YEATS2: variants seen among roughly 807,000 people sequenced by gnomAD.
YEATS2 encodes the protein YEATS domain-containing protein 2.
YEATS2 carries 77 observed loss-of-function variants against 163.2 expected under a neutral mutation model. That is an observed-to-expected ratio of 0.47 (90% confidence interval 0.39 to 0.57). The LOEUF is 0.57. Ranked by LOEUF, YEATS2 falls within the 20% of genes least tolerant of loss-of-function variation. The probability of loss-of-function intolerance (pLI) is 0.00; values close to 1 mark genes in which losing one functional copy is unlikely to be tolerated. For synonymous variants in YEATS2, 631 were observed against 645.1 expected, an observed-to-expected ratio of 0.98 and a Z score of 0.33; for missense variants, 1,549 against 1,729.8, an observed-to-expected ratio of 0.90 and a Z score of 1.85.
intron 18 of YEATS2, 122 bp downstream of exon 18, chr3:183,776,245 AT>A: frequency 1.0e-6 from 1 of 995,096 alleles, no homozygotes; most frequent in Non-Finnish European, 1.4e-6. Flanking sequence ...TAACCGTGTT[AT>A]CTATATCTAT....
chr3:183,784,489 T>C (rs1723865288), intron 19 of YEATS2, among the ~76,000 whole-genome samples: 2 of 152,226 alleles, frequency 1.3e-5, no homozygotes, highest in Non-Finnish European at 2.9e-5. Context: ...TCCTTATAGA[T>C]TCTGGATATT....
chr3:183,718,409 C>A, intron 3 of YEATS2, 91 bp from the exon 4 acceptor site: 190 of 735,460 alleles, frequency 2.6e-4, no homozygotes, highest in East Asian at 3.9e-4. Flanking sequence ...TTTTTTTTTT[C>A]ACTCATTCAC....
chr3:183,752,277 T>G, intron 10 of YEATS2, 24 bp downstream of exon 10: 1 of 1,613,912 alleles, frequency 6.2e-7, no homozygotes, highest in Non-Finnish European at 8.5e-7. Context: ...TTTCCTTGCA[T>G]AGCGTTGTTC....
chr3:183,784,553 TCTCTA>T (rs1723872032), intron 19 of YEATS2, among the ~76,000 whole-genome samples: 2 of 152,210 alleles, frequency 1.3e-5, no homozygotes, highest in Non-Finnish European at 2.9e-5. Flanking sequence ...CTGTAGGTTG[TCTCTA>T]CTCTGTTGAT....
intron 1 of YEATS2, among the ~76,000 whole-genome samples, chr3:183,708,401 A>C (rs1303408824): frequency 6.6e-6 from 1 of 152,166 alleles, no homozygotes; most frequent in East Asian, 1.9e-4. Context: ...TTTGCAAAAC[A>C]CAATGGTAGA....
chr3:183,737,389 C>T (rs1434282642), intron 8 of YEATS2, among the ~76,000 whole-genome samples: 1 of 152,156 alleles, frequency 6.6e-6, no homozygotes, highest in Non-Finnish European at 1.5e-5. Context: ...TATGTTTATG[C>T]TTACTGCTAC....
At chr3:183,735,290 T>C (rs974207265) in intron 7 of YEATS2, among the ~76,000 whole-genome samples, 1 of 152,212 alleles carries the variant, frequency 6.6e-6, no homozygotes, top group Non-Finnish European at 1.5e-5. Flanking sequence ...TTTCCATTAA[T>C]TGACTCAAGT....
intron 16 of YEATS2, 131 bp downstream of exon 16, chr3:183,772,694 G>A (rs1722594760): frequency 8.3e-7 from 1 of 1,198,990 alleles, no homozygotes; most frequent in African/African-American, 1.5e-5. Flanking sequence ...GAAGTGTATT[G>A]AAATGTTTGT....
intron 15 of YEATS2, among the ~76,000 whole-genome samples, chr3:183,768,072 T>TCTTA (rs1156729448): frequency 1.3e-5 from 2 of 152,248 alleles, no homozygotes; most frequent in African/African-American, 4.8e-5. Context: ...AAGACTGCTA[T>TCTTA]CTTAGTTAAG....
At chr3:183,737,655 A>T (rs995114301) in intron 8 of YEATS2, among the ~76,000 whole-genome samples, 2 of 152,258 alleles carry the variant, frequency 1.3e-5, no homozygotes, top group Non-Finnish European at 2.9e-5. Context: ...TGGAAATGAT[A>T]AAGTACTATA....
intron 1 of YEATS2, 122 bp from the exon 2 acceptor site, chr3:183,715,022 G>T: frequency 3.5e-6 from 2 of 572,132 alleles, no homozygotes; most frequent in Non-Finnish European, 6.2e-6. Flanking sequence ...CAGTATTAAT[G>T]TAATATTTAT....
At chr3:183,747,645 AAC>A in intron 8 of YEATS2, 25 bp from the exon 9 acceptor site, 1 of 1,604,454 alleles carries the variant, frequency 6.2e-7, no homozygotes, top group South Asian at 1.1e-5. Context: ...AGTGAAATTT[AAC>A]ACTCTCCCTT....
intron 21 of YEATS2, among the ~76,000 whole-genome samples, chr3:183,792,004 T>C (rs761389877): frequency 5.3e-5 from 8 of 152,208 alleles, no homozygotes; most frequent in Non-Finnish European, 8.8e-5. Context: ...GAATACTGTC[T>C]GGTGTGTAGT....
At chr3:183,808,194 T>A in intron 29 of YEATS2, 90 bp downstream of exon 29, 1 of 1,042,602 alleles carries the variant, frequency 9.6e-7, no homozygotes, top group Non-Finnish European at 1.4e-6. Flanking sequence ...GGAACAAAGA[T>A]AACAGGCTTT....
At chr3:183,720,691 C>G (rs1716396350) in intron 4 of YEATS2, among the ~76,000 whole-genome samples, 1 of 152,134 alleles carries the variant, frequency 6.6e-6, no homozygotes, top group Non-Finnish European at 1.5e-5. Context: ...TTTCCTAGGG[C>G]TACCATAACA....
intron 5 of YEATS2, among the ~76,000 whole-genome samples, chr3:183,722,604 A>G (rs1267067033): frequency 6.8e-6 from 1 of 147,560 alleles, no homozygotes; most frequent in Non-Finnish European, 1.5e-5. Flanking sequence ...CCAAATCTTG[A>G]TTTGGTTTTA....
intron 15 of YEATS2, among the ~76,000 whole-genome samples, chr3:183,769,817 C>T (rs933538779): frequency 3.9e-5 from 6 of 151,954 alleles, no homozygotes; most frequent in Admixed American, 6.6e-5. Flanking sequence ...CTCAGCCTCC[C>T]GAGTAGCTGG....
chr3:183,700,755 A>T (rs1278108066), intron 1 of YEATS2, among the ~76,000 whole-genome samples: 14 of 125,910 alleles, frequency 1.1e-4, no homozygotes, highest in African/African-American at 3.6e-4. Flanking sequence ...TGGGCGACAG[A>T]GGGAGACTTC....
intron 21 of YEATS2, among the ~76,000 whole-genome samples, chr3:183,791,301 C>G (rs943250269): frequency 6.6e-6 from 1 of 152,206 alleles, no homozygotes; most frequent in Non-Finnish European, 1.5e-5. Flanking sequence ...TCCCAAAGTG[C>G]TGGGATTACA....
Sources: gnomAD v4.1 joint callset for allele counts (sites outside exome capture counted in the v4.1 genomes callset) on GRCh38, gnomAD v4.1.1 for gene constraint, MANE v1.5 for transcripts, NCBI Gene and HGNC (gene_info 2026-07-23, HGNC 2026-07-21) for gene names.